ZNF536: variants seen among roughly 807,000 people sequenced by gnomAD.
The protein encoded by ZNF536 is zinc finger protein 536.
ZNF536 carries 13 observed loss-of-function variants against 84.5 expected under a neutral mutation model. The observed-to-expected ratio is 0.15, with a 90% CI of 0.10 to 0.24. The LOEUF (loss-of-function observed/expected upper bound fraction) is 0.24, where lower values mean the gene tolerates loss of function less well. ZNF536 is among the 10% of genes least tolerant of loss of function. The pLI is 1.00. For synonymous variants in ZNF536, 811 were observed against 742.5 expected (o/e 1.09, Z -1.50); for missense variants, 1,536 against 1,747.5 (o/e 0.88, Z 2.16).
intron 1 of ZNF536, among the ~76,000 whole-genome samples, chr19:30,571,106 CT>C (rs201419695): frequency 7.9e-5 from 12 of 151,358 alleles, no homozygotes; most frequent in East Asian, 1.9e-4. Flanking sequence ...ATTTTATCCC[CT>C]TTTTTTTTGA....
chr19:30,253,630 G>T (rs1294293168), intron 1 of ZNF536, among the ~76,000 whole-genome samples: 1 of 152,220 alleles, frequency 6.6e-6, no homozygotes, highest in Non-Finnish European at 1.5e-5. Context: ...CAGAATCTGT[G>T]CCTGCTTCCC....
chr19:30,582,167 T>C (rs1385257125), intron 1 of ZNF536, among the ~76,000 whole-genome samples: 1 of 152,040 alleles, frequency 6.6e-6, no homozygotes, highest in African/African-American at 2.4e-5. Flanking sequence ...GAAAACAATG[T>C]AATCTGGAAG....
At position 30,655,192 on chromosome 19, in the gene ZNF536, A is replaced by G. The variant is rs564083277; in HGVS notation, c.170-55565A>G. On this transcript the variant is annotated intron_variant, in intron 1 of 1. Transcript: ENST00000592773. ...AAAATTTCTACATGTTCTCCCATTT[A>G]CAAGACAGAGTAAAATCAGCACTTA... Among the ~76,000 whole-genome samples the G allele has an allele frequency of 3.9e-5, 6 of 152,336 alleles. No individual in the cohort carries two copies. In the South Asian group the frequency reaches 1.2e-3, roughly 32 times the overall value.
At chr19:30,390,502 C>G (rs1395845208) in intron 1 of ZNF536, among the ~76,000 whole-genome samples, 1 of 152,202 alleles carries the variant, frequency 6.6e-6, no homozygotes, top group Non-Finnish European at 1.5e-5. Flanking sequence ...GAAGTGAGTA[C>G]AGGCTCCCCA....
intron 1 of ZNF536, among the ~76,000 whole-genome samples, chr19:30,675,948 C>T (rs2050737735): frequency 6.6e-6 from 1 of 152,290 alleles, no homozygotes; most frequent in African/African-American, 2.4e-5. Flanking sequence ...GCCTCGACCT[C>T]CTAGGCTCAA....
At chr19:30,416,530 C>T (rs1267425003) in intron 1 of ZNF536, among the ~76,000 whole-genome samples, 1 of 152,054 alleles carries the variant, frequency 6.6e-6, no homozygotes, top group Non-Finnish European at 1.5e-5. Flanking sequence ...GACTGTCAGA[C>T]TCACGTTAGG....
intron 2 of ZNF536, among the ~76,000 whole-genome samples, chr19:30,469,456 G>A (rs2053545591): frequency 6.6e-6 from 1 of 151,944 alleles, no homozygotes; most frequent in African/African-American, 2.4e-5. Context: ...TCCCCAGCCT[G>A]CTGCAGGCTT....
Position 30,383,828 on chromosome 19 carries a change from CTCCTTCTTTCCTTCCTTCCT to C in ZNF536, c.-3+11279_-3+11298del, listed in dbSNP as rs1159006502. 7.7e-3 allele frequency among the ~76,000 whole-genome samples: 980 copies of C among 127,978 alleles called. 22 individuals are homozygous for C. The highest frequency in any genetic ancestry group is 0.03 in the African/African-American group (937 of 31,508). 84.0% of individuals were successfully genotyped at this position (127,978 alleles called of 152,430 possible). On this transcript the variant is annotated intron_variant, in intron 1 of 4. Transcript: ENST00000355537. The stretch of plus-strand genomic sequence containing the variant: ...TCTTTCTTTCTCTCTTTCTTTCTTT[CTCCTTCTTTCCTTCCTTCCT>C]TCCTTCCTTCCTTCCTTCCTTCCTC...
chr19:30,338,370 GATA>G (rs971783973), intron 2 of ZNF536, among the ~76,000 whole-genome samples: 75 of 151,628 alleles, frequency 4.9e-4, no homozygotes, highest in African/African-American at 1.8e-3. Flanking sequence ...CGATGATGGT[GATA>G]ATAATGGTGG....
At chr19:30,434,718 A>T (rs117118329) in intron 1 of ZNF536, among the ~76,000 whole-genome samples, 2 of 152,114 alleles carry the variant, frequency 1.3e-5, no homozygotes, top group South Asian at 2.1e-4. Flanking sequence ...GTACATAGTG[A>T]TGGTGGTGGC....
At chr19:30,236,536 G>A (rs541477560) in intron 1 of ZNF536, among the ~76,000 whole-genome samples, 3 of 149,786 alleles carry the variant, frequency 2.0e-5, no homozygotes, top group Non-Finnish European at 4.4e-5. Context: ...GGGCGGGGGG[G>A]GGGTACAATT....
At chr19:30,534,442 T>G (rs569957799) in intron 2 of ZNF536, among the ~76,000 whole-genome samples, 1 of 152,236 alleles carries the variant, frequency 6.6e-6, no homozygotes, top group East Asian at 1.9e-4. Context: ...CTTGCTATAA[T>G]GCAAATATGA....
In ZNF536 at chr19:30,552,381, A is replaced by G. The variant is rs1221490020; in HGVS notation, c.3895+2867A>G. Reference sequence around the variant, plus strand: ...TCCCCACTTTCATGATTATAGAAACAGGCTTATAGGAGGAGCTAATGTTCC... The same window carrying G: ...TCCCCACTTTCATGATTATAGAAACGGGCTTATAGGAGGAGCTAATGTTCC... On this transcript the variant is annotated intron_variant, in intron 4 of 4. Transcript: ENST00000355537. Among the ~76,000 whole-genome samples, 3 of 152,324 alleles carry G rather than the reference A, an allele frequency of 2.0e-5. No individual in the cohort carries two copies. The East Asian group carries it at 5.8e-4, about 29-fold the overall frequency.
At chr19:30,322,773 C>T (rs911225615) in intron 2 of ZNF536, among the ~76,000 whole-genome samples, 2 of 151,852 alleles carry the variant, frequency 1.3e-5, no homozygotes, top group Admixed American at 6.6e-5. Flanking sequence ...TCCTGCCCAC[C>T]GAGCCCCTTA....
intron 1 of ZNF536, among the ~76,000 whole-genome samples, chr19:30,617,677 T>G (rs1484070445): frequency 1.3e-5 from 2 of 152,080 alleles, no homozygotes; most frequent in Non-Finnish European, 1.5e-5. Flanking sequence ...AAGGATTATA[T>G]TCTCCCTCCT....
At chr19:30,368,688 T>C (rs75617139), upstream of ZNF536, among the ~76,000 whole-genome samples, 4,280 of 152,356 alleles carry the variant, frequency 0.028, 130 homozygotes, top group African/African-American at 0.075. Context: ...ACACAAGTTA[T>C]GAGTTGGTGG....
intron 2 of ZNF536, among the ~76,000 whole-genome samples, chr19:30,329,733 C>G (rs1016509119): frequency 3.9e-5 from 6 of 152,278 alleles, no homozygotes; most frequent in African/African-American, 1.2e-4. Context: ...TTCTTAAGGT[C>G]ATGTCAATAT....
intron 1 of ZNF536, among the ~76,000 whole-genome samples, chr19:30,661,467 TG>T (rs1419936250): frequency 1.3e-5 from 2 of 152,218 alleles, no homozygotes; most frequent in African/African-American, 4.8e-5. Context: ...CTGTGAACAC[TG>T]TGTTATTAAT....
intron 1 of ZNF536, among the ~76,000 whole-genome samples, chr19:30,387,129 T>G (rs1227309843): frequency 6.6e-6 from 1 of 152,234 alleles, no homozygotes; most frequent in Non-Finnish European, 1.5e-5. Context: ...ACCGTTTTCA[T>G]GCTGAAGATC....
Sources: gnomAD v4.1 joint callset for allele counts (sites outside exome capture counted in the v4.1 genomes callset) on GRCh38, gnomAD v4.1.1 for gene constraint, MANE v1.5 for transcripts, NCBI Gene and HGNC (gene_info 2026-07-23, HGNC 2026-07-21) for gene names.